The following KDM2A variants were observed in gnomAD, a reference collection of about 807,000 sequenced individuals.
The protein encoded by KDM2A is lysine-specific demethylase 2A.
Under a neutral mutation model 137.3 loss-of-function variants are expected in KDM2A, and 3 were observed. That is an observed-to-expected ratio of 0.02 (90% CI 0.01 to 0.06). The LOEUF (loss-of-function observed/expected upper bound fraction) is 0.06. Ranked by LOEUF, KDM2A falls within the 10% of genes least tolerant of loss-of-function variation. KDM2A has a pLI of 1.00. For missense variants in KDM2A, 738 were observed against 1,510.6 expected (o/e 0.49, Z 8.48); for synonymous variants, 512 against 541.5 (o/e 0.95, Z 0.76).
intron 2 of KDM2A, among the ~76,000 whole-genome samples, chr11:67,161,177 G>A (rs989326157): frequency 2.0e-5 from 3 of 152,124 alleles, no homozygotes; most frequent in Non-Finnish European, 2.9e-5. Context: ...ACTTGAGAAC[G>A]CAGTGTGATC....
At chr11:67,227,648 C>T (rs1858590054) in intron 10 of KDM2A, among the ~76,000 whole-genome samples, 1 of 152,236 alleles carries the variant, frequency 6.6e-6, no homozygotes, top group South Asian at 2.1e-4. Context: ...CAGTTCACTG[C>T]AACCTCCGCC....
intron 2 of KDM2A, among the ~76,000 whole-genome samples, chr11:67,155,212 T>A (rs776416367): frequency 1.3e-5 from 2 of 152,048 alleles, no homozygotes; most frequent in Non-Finnish European, 2.9e-5. Context: ...GATGGGGTTT[T>A]GCTATGTTGG....
chr11:67,219,950 ATTTTAT>A (rs1365954593), intron 10 of KDM2A, among the ~76,000 whole-genome samples: 3 of 151,854 alleles, frequency 2.0e-5, no homozygotes, highest in Admixed American at 1.3e-4. Flanking sequence ...TTTTTTTAAA[ATTTTAT>A]TTTATTTTAT....
intron 15 of KDM2A, among the ~76,000 whole-genome samples, chr11:67,246,904 G>A (rs912298134): frequency 2.0e-5 from 3 of 151,222 alleles, no homozygotes; most frequent in African/African-American, 4.9e-5. Flanking sequence ...GTATTTGGAG[G>A]CATTAAGCAT....
At chr11:67,181,535 T>C in intron 4 of KDM2A, 137 bp downstream of exon 4, 3 of 622,234 alleles carry the variant, frequency 4.8e-6, no homozygotes, top group Admixed American at 3.1e-5. Flanking sequence ...AAGTATATGC[T>C]TTTCTTTTGA....
rs765885625 is a variant in KDM2A at position 67,228,167 on chromosome 11, A to T, written c.1084+4A>T. On this transcript the variant is annotated splice_donor_region_variant and intron_variant, in intron 11 of 20. Transcript: ENST00000529006. Reference sequence around the variant, plus strand: ...CAGAAAGAGTCCCTCAGCATGGGTAAGTATTCTGCCTATAGGAGCTTTGAA... The same window carrying T: ...CAGAAAGAGTCCCTCAGCATGGGTATGTATTCTGCCTATAGGAGCTTTGAA... The T allele has an allele frequency of 6.2e-7, 1 of 1,613,854 alleles. No individual in the cohort carries two copies.
At chr11:67,240,385 G>T in intron 12 of KDM2A, 1 of 1,532,384 alleles carries the variant, frequency 6.5e-7, no homozygotes. Flanking sequence ...GGGGTCGATC[G>T]GCAAACCCTT....
chr11:67,143,912 A>G (rs960111948), intron 2 of KDM2A, among the ~76,000 whole-genome samples: 2 of 151,624 alleles, frequency 1.3e-5, no homozygotes, highest in African/African-American at 2.4e-5. Flanking sequence ...GTTTACAGGC[A>G]TGAGCCACTG....
rs182632524 is a variant in KDM2A, at chr11:67,186,327, C to T, written c.307+4435C>T. Among the ~76,000 whole-genome samples, 8 of 152,242 alleles carry T rather than the reference C, an allele frequency of 5.3e-5. No homozygotes were observed. In the South Asian group the frequency reaches 8.3e-4, roughly 16 times the overall value. ...AATTTCTCATCAGAAACTTTGGAGG[C>T]CAGGAGGCAGTGAGCCAGTGTATTC... is the stretch of plus-strand genomic sequence containing the variant. On this transcript the variant is annotated intron_variant, in intron 5 of 20. Transcript: ENST00000529006.
rs117001685 is a variant in KDM2A, at chr11:67,162,904, G to A, written c.43-17175G>A. 5.4e-3 allele frequency among the ~76,000 whole-genome samples: 816 copies of A among 151,934 alleles called. 4 individuals are homozygous for A. Among genetic ancestry groups the A allele is most frequent in the Non-Finnish European group, 9.0e-3 (612 of 67,958 alleles). ...AATTTAATAAATTTTTTAGAGATGG[G>A]GTCTGGCATTGTGTCCAAGCAGGTC... On this transcript the variant is annotated intron_variant, in intron 2 of 20. Transcript: ENST00000529006.
intron 1 of KDM2A, among the ~76,000 whole-genome samples, chr11:67,120,901 A>G (rs373683863): frequency 1.1e-4 from 16 of 152,250 alleles, no homozygotes; most frequent in African/African-American, 3.6e-4. Flanking sequence ...CTCTGGAGAT[A>G]AAAGTCCTGG....
chr11:67,171,850 A>C (rs1016501590), intron 2 of KDM2A, among the ~76,000 whole-genome samples: 1 of 152,244 alleles, frequency 6.6e-6, no homozygotes, highest in African/African-American at 2.4e-5. Flanking sequence ...ATTCACTGTA[A>C]GTGTAAGAGT....
chr11:67,217,679 C>A, intron 8 of KDM2A, 52 bp from the exon 9 acceptor site: 1 of 1,581,866 alleles, frequency 6.3e-7, no homozygotes, highest in East Asian at 2.2e-5. Flanking sequence ...TTGAGGGAGA[C>A]GACTGGGTCA....
At chr11:67,177,772 C>T (rs1417815734) in intron 2 of KDM2A, among the ~76,000 whole-genome samples, 3 of 152,058 alleles carry the variant, frequency 2.0e-5, no homozygotes, top group Admixed American at 6.6e-5. Flanking sequence ...ATACATAAAC[C>T]GGTACACAGT....
At chr11:67,223,220 A>G (rs1199862194) in intron 10 of KDM2A, among the ~76,000 whole-genome samples, 1 of 151,954 alleles carries the variant, frequency 6.6e-6, no homozygotes, top group Admixed American at 6.6e-5. Flanking sequence ...ATTATTTCCA[A>G]AAAATGCTAA....
At chr11:67,149,348 G>A (rs1236476491) in intron 2 of KDM2A, 1 of 152,098 alleles carries the variant, frequency 6.6e-6, no homozygotes, top group African/African-American at 2.4e-5. Context: ...GATTTAATGG[G>A]ATAATGAATG....
intron 5 of KDM2A, among the ~76,000 whole-genome samples, chr11:67,192,433 CTT>C (rs921321640): frequency 7.1e-5 from 5 of 70,558 alleles, no homozygotes; most frequent in African/African-American, 1.7e-4. Context: ...GTTTCCATTT[CTT>C]TTTTTTTTTT....
chr11:67,130,217 G>A lies in KDM2A; in HGVS notation c.42+8859G>A, dbSNP rs1855823376. 4.0e-5 allele frequency among the ~76,000 whole-genome samples: 6 copies of A among 151,750 alleles called. No individual in the cohort carries two copies. The South Asian group carries it at 1.2e-3, about 31-fold the overall frequency. On this transcript the variant is annotated intron_variant, in intron 2 of 20. Transcript: ENST00000529006. ...AAAACCCAAGAGAGAGCAGTTTTCT[G>A]GGTTGAACTCATACTTCGTGTTTAC... is the stretch of plus-strand genomic sequence containing the variant.
chr11:67,179,830 A>T (rs1410635113), intron 2 of KDM2A, among the ~76,000 whole-genome samples: 4 of 152,220 alleles, frequency 2.6e-5, no homozygotes, highest in Admixed American at 2.0e-4. Context: ...TTGTGAATTT[A>T]TATCTCTAGG....
Sources: gnomAD v4.1 joint callset for allele counts (sites outside exome capture counted in the v4.1 genomes callset) on GRCh38, gnomAD v4.1.1 for gene constraint, MANE v1.5 for transcripts, NCBI Gene and HGNC (gene_info 2026-07-23, HGNC 2026-07-21) for gene names.